Variants in ME1 observed in about 807,000 individuals in gnomAD.
ME1 encodes NADP-dependent malic enzyme.
Under a neutral mutation model 66.4 loss-of-function variants are expected in ME1, and 74 were observed. The observed-to-expected ratio is 1.11, with a 90% confidence interval of 0.92 to 1.35. The LOEUF is 1.35. Ranked by LOEUF, ME1 falls within the 40% of genes most tolerant of loss-of-function variation. The pLI, the probability that ME1 is intolerant of heterozygous loss-of-function variation, is 0.00. For missense variants in ME1, 750 were observed against 694.1 expected, an observed-to-expected ratio of 1.08 and a Z score of -0.90; for synonymous variants, 251 against 235.6, an observed-to-expected ratio of 1.07 and a Z score of -0.60.
intron 3 of ME1, among the ~76,000 whole-genome samples, chr6:83,363,582 A>T (rs1221440767): frequency 6.6e-6 from 1 of 152,206 alleles, no homozygotes; most frequent in South Asian, 2.1e-4. Context: ...CAGGAAAAAA[A>T]CTACAACCTG....
In ME1 at chr6:83,324,800, G is replaced by T. The variant is rs189715974; in HGVS notation, c.601-9387C>A. 2.8e-3 allele frequency among the ~76,000 whole-genome samples: 424 copies of T among 150,712 alleles called. 2 individuals are homozygous for T. Among genetic ancestry groups the T allele is most frequent in the Non-Finnish European group, 3.6e-3 (247 of 67,896 alleles). ...ACAGAGGTACAAAGAAAGAGGAGCTGGTACCATTCCTTCTGAAACTATTCC... is the reference window on the plus strand; with the variant it reads ...ACAGAGGTACAAAGAAAGAGGAGCTTGTACCATTCCTTCTGAAACTATTCC... On this transcript the variant is annotated intron_variant, in intron 5 of 13. Coordinates refer to ENST00000369705, the MANE Select transcript of ME1 (RefSeq NM_002395.6).
intron 3 of ME1, among the ~76,000 whole-genome samples, chr6:83,396,030 A>C (rs1290732782): frequency 1.3e-5 from 2 of 152,120 alleles, no homozygotes; most frequent in Non-Finnish European, 2.9e-5. Flanking sequence ...ACTAACTATA[A>C]ACTATCCAAA....
intron 6 of ME1, among the ~76,000 whole-genome samples, chr6:83,256,119 C>T (rs1766763428): frequency 6.6e-6 from 1 of 152,048 alleles, no homozygotes. Flanking sequence ...TCTTGTCCTC[C>T]TTACATACCG....
chr6:83,282,510 A>G (rs1256344489), intron 6 of ME1, among the ~76,000 whole-genome samples: 1 of 152,044 alleles, frequency 6.6e-6, no homozygotes, highest in African/African-American at 2.4e-5. Context: ...ACATGAAAAA[A>G]GCTCATCATC....
chr6:83,428,626 C>CCTA (rs1297933744), intron 1 of ME1, among the ~76,000 whole-genome samples: 1 of 152,006 alleles, frequency 6.6e-6, no homozygotes, highest in East Asian at 1.9e-4. Context: ...AAATTAAAGG[C>CCTA]CTAGAGGTCT....
intron 4 of ME1, 98 bp downstream of exon 4, chr6:83,351,966 G>T: frequency 1.7e-6 from 1 of 598,430 alleles, no homozygotes. Flanking sequence ...GCTAATGAAT[G>T]CTACCTATTA....
intron 5 of ME1, among the ~76,000 whole-genome samples, chr6:83,327,051 A>G (rs895332870): frequency 6.2e-4 from 94 of 152,320 alleles, no homozygotes; most frequent in African/African-American, 2.3e-3. Flanking sequence ...TGCAATCTCT[A>G]AACACAAATT....
intron 6 of ME1, among the ~76,000 whole-genome samples, chr6:83,291,551 C>T (rs1433620496): frequency 6.6e-6 from 1 of 152,108 alleles, no homozygotes; most frequent in African/African-American, 2.4e-5. Flanking sequence ...CTGCCCTTAA[C>T]ATTTTTTCCT....
At chr6:83,313,808 T>TTTAATGAAATAGG (rs1220723247) in intron 6 of ME1, among the ~76,000 whole-genome samples, 132 of 152,250 alleles carry the variant, frequency 8.7e-4, no homozygotes, top group African/African-American at 3.1e-3. Context: ...ATAAGTATAG[T>TTTAATGAAATAGG]TCAAATAATT....
chr6:83,314,058 C>A (rs1280332291), intron 6 of ME1, among the ~76,000 whole-genome samples: 1 of 152,054 alleles, frequency 6.6e-6, no homozygotes, highest in East Asian at 1.9e-4. Flanking sequence ...CTAAGAAAAA[C>A]CAAGGCAACA....
At chr6:83,287,902 C>T (rs964768454) in intron 6 of ME1, among the ~76,000 whole-genome samples, 11 of 152,082 alleles carry the variant, frequency 7.2e-5, no homozygotes, top group Admixed American at 6.5e-4. Context: ...CTCTAATGAC[C>T]AGTTATAATG....
At position 83,407,881 on chromosome 6, in the gene ME1, T is replaced by C. The variant is rs1769976647; in HGVS notation, c.99A>G (p.Glu33=). 1.2e-6 allele frequency: 2 copies of C among 1,612,058 alleles called. No individual in the cohort carries two copies. Among genetic ancestry groups the C allele is most frequent in the Non-Finnish European group, 8.5e-7 (1 of 1,179,554 alleles). ...CATGAATGTTCAATTGCTGTCTCTC[T>C]TCCAGGGTAAAGGCCAAGTCCTATA... The part of the protein sequence containing the change: ...HLNKDLAFTL[E]ERQQLNIHGL... Residue 33 remains glutamate, a synonymous_variant, in exon 2 of 14, where the codon GAA becomes GAG. Transcript: ENST00000369705.
rs2128523400 is a variant in ME1, at chr6:83,223,766, A to G, written c.1443T>C (p.Thr481=). The G allele has an allele frequency of 1.2e-6, 2 of 1,613,676 alleles. No homozygotes were observed. Among genetic ancestry groups the G allele is most frequent in the East Asian group, 2.2e-5 (1 of 44,844 alleles). The change falls in exon 12 of 14, where the codon ACT becomes ACC. Residue 481 remains threonine (T), a synonymous_variant. Coordinates refer to ENST00000369705, the MANE Select transcript of ME1 (RefSeq NM_002395.6). ...TTAGAGGATTTTACAATACCTCAGC[A>G]GTAGTGAGGAAAATATTATCTGTGA... is the stretch of plus-strand genomic sequence containing the variant. The part of the protein sequence containing the change: ...RQITDNIFLT[T]AEVIAQQVSD...
rs544102421 is a variant in ME1 at position 83,326,687 on chromosome 6, C to T, written c.601-11274G>A. On this transcript the variant is annotated intron_variant, in intron 5 of 13. Transcript: ENST00000369705. ...GCCAATCAGAACCACAATGAGATATCATCTCATGCCTTTTGGAATGGTAAT... is the reference window on the plus strand; with the variant it reads ...GCCAATCAGAACCACAATGAGATATTATCTCATGCCTTTTGGAATGGTAAT... Among the ~76,000 whole-genome samples, 20 of 152,284 alleles carry T rather than the reference C, an allele frequency of 1.3e-4. No homozygotes were observed. In the South Asian group the frequency reaches 3.7e-3, roughly 28 times the overall value.
chr6:83,276,525 G>A (rs1324835798), intron 6 of ME1, among the ~76,000 whole-genome samples: 1 of 152,158 alleles, frequency 6.6e-6, no homozygotes, highest in Non-Finnish European at 1.5e-5. Flanking sequence ...AAAGTGGACA[G>A]CTTATCCACA....
At chr6:83,326,274 A>C (rs1768289685) in intron 5 of ME1, among the ~76,000 whole-genome samples, 1 of 152,214 alleles carries the variant, frequency 6.6e-6, no homozygotes, top group Non-Finnish European at 1.5e-5. Context: ...ATAACACCTA[A>C]AACTATAAAA....
At chr6:83,256,692 T>A (rs1213698770) in intron 6 of ME1, among the ~76,000 whole-genome samples, 1 of 152,052 alleles carries the variant, frequency 6.6e-6, no homozygotes, top group Non-Finnish European at 1.5e-5. Flanking sequence ...CATTACTGGG[T>A]ATATACCCAA....
In ME1 at chr6:83,393,047, G is replaced by A. The variant is rs879215478; in HGVS notation, c.362+5320C>T. On this transcript the variant is annotated intron_variant, in intron 3 of 13. Coordinates refer to ENST00000369705, the MANE Select transcript of ME1 (RefSeq NM_002395.6). ...TCTCTGCCTCTACTGGTGCTGCCAA[G>A]GCTGTGAGGAAGGTCATCCCTGAGC... The A allele has an allele frequency of 6.2e-5, 84 of 1,354,738 alleles. No individual in the cohort carries two copies. In the Middle Eastern group the frequency reaches 1.0e-3, roughly 16 times the overall value. 83.9% of individuals were successfully genotyped at this position (1,354,738 alleles called of 1,614,324 possible). A position where few individuals can be genotyped will look rare whatever the true frequency, so the allele number is the denominator to read the frequency against.
intron 6 of ME1, among the ~76,000 whole-genome samples, chr6:83,274,502 T>C (rs1280945482): frequency 6.6e-6 from 1 of 152,226 alleles, no homozygotes; most frequent in Non-Finnish European, 1.5e-5. Flanking sequence ...AAACTTTTTT[T>C]CAAAGGATTC....
Sources: allele counts gnomAD v4.1 joint callset (sites outside exome capture counted in the v4.1 genomes callset), GRCh38; gene constraint gnomAD v4.1.1; transcripts MANE v1.5; gene names NCBI Gene and HGNC (gene_info 2026-07-23, HGNC 2026-07-21).